FGD4: variants seen among roughly 807,000 people sequenced by gnomAD.
The protein encoded by FGD4 is FYVE, RhoGEF and PH domain-containing protein 4.
FGD4 carries 42 observed loss-of-function variants against 102.0 expected under a neutral mutation model. The ratio of observed to expected loss-of-function variants is 0.41; its 90% CI spans 0.32 to 0.53. The LOEUF (loss-of-function observed/expected upper bound fraction) is 0.53, where lower values mean the gene tolerates loss of function less well. FGD4 is among the 20% of genes least tolerant of loss of function. The probability of loss-of-function intolerance (pLI) is 0.21; values close to 1 mark genes in which losing one functional copy is unlikely to be tolerated. For missense variants in FGD4, 902 were observed against 1,078.2 expected, an observed-to-expected ratio of 0.84 and a Z score of 2.29; for synonymous variants, 380 against 375.7, an observed-to-expected ratio of 1.01 and a Z score of -0.13.
chr12:32,538,096 T>C (rs2133542), intron 1 of FGD4, among the ~76,000 whole-genome samples: 56,181 of 152,002 alleles, frequency 0.37, 11,929 homozygotes, highest in African/African-American at 0.6. Context: ...ATGGGTTTTG[T>C]CATGTTGCCC....
At chr12:32,616,292 C>T (rs1949446449) in intron 10 of FGD4, among the ~76,000 whole-genome samples, 1 of 152,186 alleles carries the variant, frequency 6.6e-6, no homozygotes, top group South Asian at 2.1e-4. Context: ...TTAAACAGCT[C>T]TTTGGAGTCC....
chr12:32,413,990 T>TTGG (rs1941304613), intron 1 of FGD4, among the ~76,000 whole-genome samples: 1 of 150,418 alleles, frequency 6.6e-6, no homozygotes, highest in Admixed American at 6.6e-5. Flanking sequence ...TTTTTTTTTT[T>TTGG]GAGACGGAGT....
intron 1 of FGD4, among the ~76,000 whole-genome samples, chr12:32,550,633 T>G (rs1943573544): frequency 7.5e-6 from 1 of 134,200 alleles, no homozygotes; most frequent in African/African-American, 2.9e-5. Flanking sequence ...ACAGTGCCAC[T>G]GCACTCCAGC....
At chr12:32,420,370 C>G (rs2136415011) in intron 1 of FGD4, among the ~76,000 whole-genome samples, 1 of 152,266 alleles carries the variant, frequency 6.6e-6, no homozygotes, top group East Asian at 1.9e-4. Flanking sequence ...TCTTTCCGTT[C>G]CCTTTCAATC....
chr12:32,611,590 TA>T (rs892147413), intron 10 of FGD4, among the ~76,000 whole-genome samples: 1 of 151,636 alleles, frequency 6.6e-6, no homozygotes, highest in Non-Finnish European at 1.5e-5. Flanking sequence ...AGACTCCATC[TA>T]AAAAAAAGGA....
At chr12:32,609,768 A>G (rs988282378) in intron 8 of FGD4, among the ~76,000 whole-genome samples, 21 of 152,330 alleles carry the variant, frequency 1.4e-4, no homozygotes, top group African/African-American at 5.1e-4. Flanking sequence ...AAGACAAAAA[A>G]TGTAGTTGAA....
At chr12:32,599,410 C>A (rs1268090550) in intron 5 of FGD4, among the ~76,000 whole-genome samples, 1 of 127,858 alleles carries the variant, frequency 7.8e-6, no homozygotes, top group Non-Finnish European at 1.6e-5. Context: ...AGGAGAATGG[C>A]GTGAACCCGG....
chr12:32,561,174 C>G (rs542901422), intron 1 of FGD4, among the ~76,000 whole-genome samples: 1 of 148,130 alleles, frequency 6.8e-6, no homozygotes, highest in African/African-American at 2.5e-5. Flanking sequence ...AACCTCCCCC[C>G]ATCCTGGGTT....
At chr12:32,458,809 C>T (rs1174719530) in intron 1 of FGD4, among the ~76,000 whole-genome samples, 3 of 152,174 alleles carry the variant, frequency 2.0e-5, no homozygotes, top group African/African-American at 7.2e-5. Flanking sequence ...AGCAATACTT[C>T]ACGGGTACAA....
At position 32,577,133 on chromosome 12, in the gene FGD4, C is replaced by T. The variant is rs1946190581; in HGVS notation, c.503+684C>T. ...ATTTCTCATTTAAAGATAAACAGAA[C>T]CCACATAAGTTGCTTTTCTCCTTAT... On this transcript the variant is annotated intron_variant, in intron 3 of 16. Coordinates refer to ENST00000534526, the MANE Select transcript of FGD4 (RefSeq NM_001370298.3). Among the ~76,000 whole-genome samples the T allele has an allele frequency of 2.0e-5, 3 of 152,022 alleles. No individual in the cohort carries two copies. The South Asian group carries it at 6.2e-4, about 32-fold the overall frequency.
chr12:32,497,731 T>C (rs1937909282), intron 1 of FGD4, among the ~76,000 whole-genome samples: 1 of 152,200 alleles, frequency 6.6e-6, no homozygotes, highest in African/African-American at 2.4e-5. Flanking sequence ...ACATCCTAAA[T>C]TGTGTGCCGT....
intron 1 of FGD4, among the ~76,000 whole-genome samples, chr12:32,487,213 G>A (rs1565771201): frequency 6.6e-6 from 1 of 152,140 alleles, no homozygotes; most frequent in Non-Finnish European, 1.5e-5. Flanking sequence ...CTTTGGTGGG[G>A]TGGGTCTCAT....
At chr12:32,480,023 C>A (rs1591981649) in intron 1 of FGD4, among the ~76,000 whole-genome samples, 1 of 151,878 alleles carries the variant, frequency 6.6e-6, no homozygotes, top group East Asian at 1.9e-4. Context: ...AACTCCCAGG[C>A]TCAAGTGATC....
intron 1 of FGD4, among the ~76,000 whole-genome samples, chr12:32,444,344 G>T (rs1207392727): frequency 6.6e-6 from 1 of 152,086 alleles, no homozygotes; most frequent in Non-Finnish European, 1.5e-5. Context: ...TTTCAAGATA[G>T]AAAACTTTGA....
At chr12:32,491,276 G>A (rs1304844035) in intron 1 of FGD4, among the ~76,000 whole-genome samples, 1 of 151,960 alleles carries the variant, frequency 6.6e-6, no homozygotes, top group East Asian at 1.9e-4. Flanking sequence ...AAGTTAAATA[G>A]CCCTACATGT....
At chr12:32,513,369 A>G (rs1458599110) in intron 1 of FGD4, among the ~76,000 whole-genome samples, 1 of 152,240 alleles carries the variant, frequency 6.6e-6, no homozygotes, top group African/African-American at 2.4e-5. Flanking sequence ...TCTGTAAGAT[A>G]AATGGCACCA....
chr12:32,528,529 A>G (rs1239549035), intron 1 of FGD4, among the ~76,000 whole-genome samples: 1 of 152,004 alleles, frequency 6.6e-6, no homozygotes, highest in Non-Finnish European at 1.5e-5. Context: ...AGCTGGGATT[A>G]CAGGTGCGCA....
intron 1 of FGD4, among the ~76,000 whole-genome samples, chr12:32,526,636 G>A (rs1360614255): frequency 2.6e-5 from 4 of 152,298 alleles, no homozygotes; most frequent in African/African-American, 7.2e-5. Context: ...ACCTGCTCAG[G>A]TCCCCTTCCA....
chr12:32,582,627 A>G (rs981712796), intron 4 of FGD4, 160 bp downstream of exon 4: 15 of 866,466 alleles, frequency 1.7e-5, no homozygotes, highest in Non-Finnish European at 2.5e-5. Flanking sequence ...CATTTCCCCT[A>G]TGCTCTAAGC....
Sources: gnomAD v4.1 joint callset for allele counts (sites outside exome capture counted in the v4.1 genomes callset) on GRCh38, gnomAD v4.1.1 for gene constraint, MANE v1.5 for transcripts, NCBI Gene and HGNC (gene_info 2026-07-23, HGNC 2026-07-21) for gene names.